The following TMEM232 variants were observed in gnomAD, a reference collection of about 807,000 sequenced individuals.
TMEM232 encodes the protein transmembrane protein 232.
TMEM232 carries 80 observed loss-of-function variants against 78.8 expected under a neutral mutation model. The ratio of observed to expected loss-of-function variants is 1.01; its 90% CI spans 0.85 to 1.22. The LOEUF (loss-of-function observed/expected upper bound fraction) is 1.22, where lower values mean the gene tolerates loss of function less well. Ranked by LOEUF, TMEM232 falls within the 50% of genes most tolerant of loss-of-function variation. The pLI is 0.00. For missense variants in TMEM232, 881 were observed against 742.2 expected, an observed-to-expected ratio of 1.19 and a Z score of -2.17; for synonymous variants, 297 against 254.3, an observed-to-expected ratio of 1.17 and a Z score of -1.60.
At chr5:110,619,345 T>C (rs1783348772) in intron 7 of TMEM232, among the ~76,000 whole-genome samples, 1 of 152,146 alleles carries the variant, frequency 6.6e-6, no homozygotes, top group Non-Finnish European at 1.5e-5. Flanking sequence ...TTATGTTGAG[T>C]ACTTTTCAGA....
rs1357323383 is a variant in TMEM232, at chr5:110,434,319, T to C, written c.1704-9403A>G. 3.3e-5 allele frequency among the ~76,000 whole-genome samples: 5 copies of C among 151,308 alleles called. No homozygotes were observed. In the East Asian group the frequency reaches 9.7e-4, roughly 29 times the overall value. Reference sequence around the variant, plus strand: ...TGATCCCACAGAAACACAAAAATGCTTAGAAACTACTGTGAACATCTCTAT... The same window carrying C: ...TGATCCCACAGAAACACAAAAATGCCTAGAAACTACTGTGAACATCTCTAT... On this transcript the variant is annotated intron_variant, in intron 12 of 13. Transcript: ENST00000455884.
At chr5:110,475,460 T>A (rs905817130) in intron 12 of TMEM232, among the ~76,000 whole-genome samples, 2 of 149,460 alleles carry the variant, frequency 1.3e-5, no homozygotes, top group African/African-American at 4.9e-5. Flanking sequence ...TTTTTTTTTT[T>A]TTTTTTTTTA....
chr5:110,483,928 G>A (rs1764186816), intron 12 of TMEM232, among the ~76,000 whole-genome samples: 1 of 152,230 alleles, frequency 6.6e-6, no homozygotes, highest in African/African-American at 2.4e-5. Context: ...ATTAACGATG[G>A]ATTCAGTAAA....
chr5:110,639,674 G>A (rs1024699876), intron 4 of TMEM232, among the ~76,000 whole-genome samples: 3 of 152,194 alleles, frequency 2.0e-5, no homozygotes, highest in Admixed American at 6.5e-5. Context: ...CTGTGCTCAG[G>A]ACCAGGTCAT....
At chr5:110,458,516 C>T (rs182511651) in intron 12 of TMEM232, among the ~76,000 whole-genome samples, 110 of 152,234 alleles carry the variant, frequency 7.2e-4, no homozygotes, top group African/African-American at 2.6e-3. Flanking sequence ...GTAGCTAAGG[C>T]CCCTCTGCAG....
chr5:110,713,970 T>C (rs963768334), intron 1 of TMEM232, among the ~76,000 whole-genome samples: 2 of 152,326 alleles, frequency 1.3e-5, no homozygotes, highest in East Asian at 3.9e-4. Flanking sequence ...TGGTCTTTAA[T>C]GGTCAGTTGA....
At chr5:110,548,561 A>G (rs1450240445) in intron 11 of TMEM232, among the ~76,000 whole-genome samples, 1 of 151,852 alleles carries the variant, frequency 6.6e-6, no homozygotes, top group Non-Finnish European at 1.5e-5. Context: ...TATAATTAAA[A>G]AAACAAAATC....
chr5:110,650,701 C>A (rs1207239352), intron 2 of TMEM232, among the ~76,000 whole-genome samples: 1 of 152,010 alleles, frequency 6.6e-6, no homozygotes, highest in African/African-American at 2.4e-5. Context: ...ACTGTCCCAG[C>A]CTAGAAGAGC....
chr5:110,472,015 C>T lies in TMEM232; in HGVS notation c.1704-47099G>A, dbSNP rs919964544. ...GAAGAAAGAGATAAGTTCCTAGACACTTCTATTCAACATATTACAGGAAGT... is the reference window on the plus strand; with the variant it reads ...GAAGAAAGAGATAAGTTCCTAGACATTTCTATTCAACATATTACAGGAAGT... On this transcript the variant is annotated intron_variant, in intron 12 of 13. Coordinates refer to ENST00000455884, the MANE Select transcript of TMEM232 (RefSeq NM_001039763.4). Among the ~76,000 whole-genome samples, 103 of 152,040 alleles carry T rather than the reference C, an allele frequency of 6.8e-4. 2 individuals are homozygous for T. Among genetic ancestry groups the T allele is most frequent in the South Asian group, 2.1e-4 (1 of 4,822 alleles).
At chr5:110,509,533 G>A (rs1251434170) in intron 12 of TMEM232, among the ~76,000 whole-genome samples, 2 of 152,096 alleles carry the variant, frequency 1.3e-5, no homozygotes, top group Admixed American at 6.6e-5. Context: ...GTAATAATCT[G>A]CCTTCACGAT....
chr5:110,640,610 A>G (rs1178220000), intron 4 of TMEM232, among the ~76,000 whole-genome samples: 1 of 152,170 alleles, frequency 6.6e-6, no homozygotes, highest in Non-Finnish European at 1.5e-5. Context: ...AAATCACTAA[A>G]TGACATTTTA....
intron 12 of TMEM232, among the ~76,000 whole-genome samples, chr5:110,473,195 C>T: frequency 6.6e-6 from 1 of 151,730 alleles, no homozygotes; most frequent in East Asian, 1.9e-4. Flanking sequence ...ATACTTCTGA[C>T]AAGAGGTTAA....
rs1377852057 is a variant in TMEM232 at position 110,445,656 on chromosome 5, A to T, written c.1704-20740T>A. Among the ~76,000 whole-genome samples the T allele has an allele frequency of 3.3e-5, 5 of 152,172 alleles. No homozygotes were observed. In the East Asian group the frequency reaches 9.6e-4, roughly 29 times the overall value. On this transcript the variant is annotated intron_variant, in intron 12 of 13. Transcript: ENST00000455884. ...ATGGTCTCTGGCACAGGGTCTCTCC[A>T]AAGGTTGAAGTCAGGATGTTGTCAG... is the stretch of plus-strand genomic sequence containing the variant.
chr5:110,400,348 G>T (rs1436847180), intron 2 of TMEM232, among the ~76,000 whole-genome samples: 1 of 152,014 alleles, frequency 6.6e-6, no homozygotes, highest in Admixed American at 6.6e-5. Context: ...TTTGATGTGA[G>T]AAATACAATT....
At chr5:110,468,473 G>T (rs946956447) in intron 12 of TMEM232, among the ~76,000 whole-genome samples, 9 of 151,908 alleles carry the variant, frequency 5.9e-5, no homozygotes, top group Admixed American at 3.9e-4. Context: ...ATAAAAGCTT[G>T]CCTTAAATAA....
intron 12 of TMEM232, among the ~76,000 whole-genome samples, chr5:110,427,864 TAC>T (rs1331727047): frequency 6.6e-6 from 1 of 151,810 alleles, no homozygotes; most frequent in East Asian, 1.9e-4. Context: ...TTTTTTTGGG[TAC>T]ACAGTAGGTG....
At chr5:110,396,935 C>T (rs550725551) in intron 3 of TMEM232, among the ~76,000 whole-genome samples, 4 of 152,136 alleles carry the variant, frequency 2.6e-5, no homozygotes, top group Non-Finnish European at 2.9e-5. Flanking sequence ...ACTCGTAACT[C>T]GAAAAAGTGG....
intron 12 of TMEM232, among the ~76,000 whole-genome samples, chr5:110,440,446 G>C (rs1758905140): frequency 6.6e-6 from 1 of 152,026 alleles, no homozygotes; most frequent in Admixed American, 6.6e-5. Context: ...TTAAGACATG[G>C]TGAATAGACA....
intron 11 of TMEM232, among the ~76,000 whole-genome samples, chr5:110,534,669 C>A (rs554056783): frequency 6.6e-6 from 1 of 152,146 alleles, no homozygotes; most frequent in Non-Finnish European, 1.5e-5. Context: ...TTTCTCCAAG[C>A]CATCACAGCT....
Sources: allele counts gnomAD v4.1 joint callset (sites outside exome capture counted in the v4.1 genomes callset), GRCh38; gene constraint gnomAD v4.1.1; transcripts MANE v1.5; gene names NCBI Gene and HGNC (gene_info 2026-07-23, HGNC 2026-07-21).